USH2A: variants seen among roughly 807,000 people sequenced by gnomAD.
USH2A encodes Usher syndrome 2A (autosomal recessive, mild).
USH2A carries 443 observed loss-of-function variants against 538.9 expected under a neutral mutation model. The ratio of observed to expected loss-of-function variants is 0.82; its 90% confidence interval spans 0.76 to 0.89. USH2A has a LOEUF of 0.89. Ranked by LOEUF, USH2A falls within the 40% of genes least tolerant of loss-of-function variation. The pLI is 0.00. For synonymous variants in USH2A, 2,413 were observed against 2,273.5 expected, an observed-to-expected ratio of 1.06 and a Z score of -1.75; for missense variants, 6,633 against 6,324.8, an observed-to-expected ratio of 1.05 and a Z score of -1.65.
chr1:216,300,824 C>A (rs1017485476), intron 9 of USH2A, among the ~76,000 whole-genome samples: 6 of 149,398 alleles, frequency 4.0e-5, no homozygotes, highest in African/African-American at 1.5e-4. Flanking sequence ...TCTGGGCTCA[C>A]TGAAACCTCC....
intron 13 of USH2A, among the ~76,000 whole-genome samples, chr1:216,245,819 C>T (rs2036029310): frequency 6.6e-6 from 1 of 152,138 alleles, no homozygotes; most frequent in Non-Finnish European, 1.5e-5. Flanking sequence ...GCAAGCAAAT[C>T]ACACTTTTGA....
At chr1:215,635,622 C>A (rs1266655847) in intron 69 of USH2A, among the ~76,000 whole-genome samples, 1 of 151,522 alleles carries the variant, frequency 6.6e-6, no homozygotes, top group African/African-American at 2.4e-5. Context: ...GTGGTGTGAT[C>A]TCCGCTCACT....
intron 3 of USH2A, among the ~76,000 whole-genome samples, chr1:216,410,954 A>G (rs1352060727): frequency 6.6e-6 from 1 of 152,142 alleles, no homozygotes; most frequent in African/African-American, 2.4e-5. Flanking sequence ...CTTCAAGCAA[A>G]CCATTCTCCC....
chr1:215,824,538 C>T (rs924688780), intron 47 of USH2A, among the ~76,000 whole-genome samples: 14 of 152,028 alleles, frequency 9.2e-5, no homozygotes, highest in African/African-American at 3.4e-4. Flanking sequence ...GCCCAGGAAA[C>T]CTGTGGAGCA....
intron 50 of USH2A, among the ~76,000 whole-genome samples, chr1:215,795,386 G>A (rs1197680869): frequency 1.3e-5 from 2 of 152,120 alleles, no homozygotes; most frequent in African/African-American, 4.8e-5. Context: ...CTTATGGTCT[G>A]TGTATAACCT....
In USH2A at chr1:215,622,937, T is replaced by C. The variant is rs1195097537; in HGVS notation, c.*2844A>G. 1 of 152,122 alleles carries C rather than the reference T, an allele frequency of 6.6e-6. No homozygotes were observed. Among genetic ancestry groups the C allele is most frequent in the Non-Finnish European group, 1.5e-5 (1 of 67,998 alleles). The allele number at this position is 152,122 out of a possible 1,614,324, so 9.4% of individuals were successfully genotyped here. On this transcript the variant is annotated 3_prime_UTR_variant, in exon 72 of 72. Transcript: ENST00000307340. ...ATTAAGCAAACCATCTTTAGATTAG[T>C]TTACATGATATTTGTGCATTGGAAA...
intron 38 of USH2A, among the ~76,000 whole-genome samples, chr1:215,925,084 C>T (rs2102491653): frequency 6.6e-6 from 1 of 152,036 alleles, no homozygotes; most frequent in South Asian, 2.1e-4. Flanking sequence ...GGAATTTATC[C>T]CTCTCTTTGG....
chr1:215,659,635 G>GT (rs1049081511), intron 64 of USH2A, among the ~76,000 whole-genome samples: 2 of 151,910 alleles, frequency 1.3e-5, no homozygotes, highest in Non-Finnish European at 2.9e-5. Context: ...CCTGGGGTAA[G>GT]TTTTTTTTGT....
At chr1:216,100,080 G>C (rs761545825) in intron 21 of USH2A, among the ~76,000 whole-genome samples, 1 of 152,164 alleles carries the variant, frequency 6.6e-6, no homozygotes, top group Non-Finnish European at 1.5e-5. Flanking sequence ...CTAGATAGGA[G>C]GGAACTTTAA....
chr1:216,385,891 C>G lies in USH2A; in HGVS notation c.652-20806G>C, dbSNP rs1558065228. Among the ~76,000 whole-genome samples, 3 of 152,208 alleles carry G rather than the reference C, an allele frequency of 2.0e-5. No homozygotes were observed. The South Asian group carries it at 6.2e-4, about 31-fold the overall frequency. On this transcript the variant is annotated intron_variant, in intron 3 of 71. Coordinates refer to ENST00000307340, the MANE Select transcript of USH2A (RefSeq NM_206933.4). ...AGTCCCAAACCTGGAATTCTTCTCT[C>G]CCCATCTCTGCCTCTTGAAACCTCA...
At chr1:215,870,268 G>T (rs1051538478) in intron 43 of USH2A, among the ~76,000 whole-genome samples, 1 of 150,440 alleles carries the variant, frequency 6.6e-6, no homozygotes, top group Non-Finnish European at 1.5e-5. Flanking sequence ...AAGGAAACAA[G>T]ATTTTTTTTT....
chr1:216,219,253 C>T (rs1321576356), intron 14 of USH2A, among the ~76,000 whole-genome samples: 2 of 152,048 alleles, frequency 1.3e-5, no homozygotes, highest in Non-Finnish European at 2.9e-5. Flanking sequence ...TTATCCAAGC[C>T]ATTGTTATAG....
At chr1:215,847,637 C>A (rs1186699003) in intron 44 of USH2A, among the ~76,000 whole-genome samples, 4 of 149,486 alleles carry the variant, frequency 2.7e-5, no homozygotes, top group African/African-American at 9.8e-5. Flanking sequence ...AGAATGAGAC[C>A]ATGTCTCAGG....
rs183227623 is a variant in USH2A, at chr1:216,067,325, T to G, written c.6049+2776A>C. Among the ~76,000 whole-genome samples, 194 of 151,578 alleles carry G rather than the reference T, an allele frequency of 1.3e-3. 2 individuals carry two copies. Among genetic ancestry groups the G allele is most frequent in the Non-Finnish European group, 2.3e-3 (157 of 67,864 alleles). On this transcript the variant is annotated intron_variant, in intron 30 of 71. Coordinates refer to ENST00000307340, the MANE Select transcript of USH2A (RefSeq NM_206933.4). ...AGAAATACCTAATGTAGATGCCGGG[T>G]TGATGGGGGCAGCAAGCCACCCTGG...
chr1:216,136,004 A>G (rs1201601207), intron 21 of USH2A, among the ~76,000 whole-genome samples: 1 of 152,116 alleles, frequency 6.6e-6, no homozygotes, highest in African/African-American at 2.4e-5. Context: ...TTACCTTACC[A>G]TATTGTAATA....
At chr1:215,802,838 A>G (rs10779660) in intron 49 of USH2A, among the ~76,000 whole-genome samples, 89,153 of 151,894 alleles carry the variant, frequency 0.59, 26,447 homozygotes, top group Admixed American at 0.69. Flanking sequence ...AGCTTTAACC[A>G]TAATAGTCAC....
At chr1:215,710,753 A>G (rs4655420) in intron 61 of USH2A, among the ~76,000 whole-genome samples, 69,167 of 151,978 alleles carry the variant, frequency 0.46, 16,138 homozygotes, top group East Asian at 0.59. Flanking sequence ...TGAGCCATTT[A>G]TTTCAGTTGC....
At chr1:215,943,079 A>G (rs951469935) in intron 37 of USH2A, among the ~76,000 whole-genome samples, 11 of 152,226 alleles carry the variant, frequency 7.2e-5, no homozygotes, top group African/African-American at 2.7e-4. Context: ...GACTAGCACC[A>G]GAAAGGAAAG....
At chr1:216,345,727 G>C (rs549025395) in intron 4 of USH2A, among the ~76,000 whole-genome samples, 68 of 152,188 alleles carry the variant, frequency 4.5e-4, no homozygotes, top group Non-Finnish European at 8.8e-4. Flanking sequence ...CACAAGCTTA[G>C]GACCCCATAA....
Sources: gnomAD v4.1 joint callset for allele counts (sites outside exome capture counted in the v4.1 genomes callset) on GRCh38, gnomAD v4.1.1 for gene constraint, MANE v1.5 for transcripts, NCBI Gene and HGNC (gene_info 2026-07-23, HGNC 2026-07-21) for gene names.